RBFOX3: variants seen among roughly 807,000 people sequenced by gnomAD.
The protein encoded by RBFOX3 is RNA binding fox-1 homolog 3, also known as RNA binding protein fox-1 homolog 3.
Under a neutral mutation model 48.7 loss-of-function variants are expected in RBFOX3, and 17 were observed. The observed-to-expected ratio is 0.35, with a 90% CI of 0.24 to 0.52. The LOEUF (loss-of-function observed/expected upper bound fraction) is 0.52. Among genes scored for constraint, RBFOX3 ranks in the 20% least tolerant of loss-of-function variants. The pLI, the probability that RBFOX3 is intolerant of heterozygous loss-of-function variation, is 0.94. For missense variants in RBFOX3, 382 were observed against 497.5 expected, an observed-to-expected ratio of 0.77 and a Z score of 2.21; for synonymous variants, 212 against 209.5, an observed-to-expected ratio of 1.01 and a Z score of -0.10.
At chr17:79,383,952 A>G (rs570600572) in intron 2 of RBFOX3, among the ~76,000 whole-genome samples, 1 of 152,240 alleles carries the variant, frequency 6.6e-6, no homozygotes, top group East Asian at 1.9e-4. Flanking sequence ...CAATCAGGGT[A>G]TGTGGGGGAA....
chr17:79,423,467 C>T lies in RBFOX3; in HGVS notation c.-175+58987G>A, dbSNP rs1555723837. On this transcript the variant is annotated intron_variant, in intron 2 of 14. Coordinates refer to ENST00000693108, the MANE Select transcript of RBFOX3 (RefSeq NM_001350451.2). This position sits in a 1 kb window ranked among gnomAD's most constrained non-coding sequence, Gnocchi z 4.9. Reference sequence around the variant, plus strand: ...GCCCAGCCCCCGGCTATTCTCAGCACAGCAGCCAAAGAGATTCCTTTAAAA... The same window carrying T: ...GCCCAGCCCCCGGCTATTCTCAGCATAGCAGCCAAAGAGATTCCTTTAAAA... Among the ~76,000 whole-genome samples, 1 of 152,150 alleles carries T rather than the reference C, an allele frequency of 6.6e-6. No homozygotes were observed. Among genetic ancestry groups the T allele is most frequent in the African/African-American group, 2.4e-5 (1 of 41,424 alleles).
At chr17:79,223,408 A>T (rs1028662313) in intron 4 of RBFOX3, among the ~76,000 whole-genome samples, 4 of 152,132 alleles carry the variant, frequency 2.6e-5, no homozygotes, top group Non-Finnish European at 4.4e-5. Flanking sequence ...GCATGGTCAC[A>T]TACACACCTC....
At chr17:79,257,905 AAAAAAAT>A (rs2065145119) in intron 3 of RBFOX3, among the ~76,000 whole-genome samples, 1 of 152,114 alleles carries the variant, frequency 6.6e-6, no homozygotes, top group Admixed American at 6.6e-5. Flanking sequence ...GTTTTGGGAA[AAAAAAAT>A]AAAAAAATAA....
At chr17:79,277,261 GCTCCAAGGC>G (rs145586100) in intron 3 of RBFOX3, among the ~76,000 whole-genome samples, 70,096 of 140,438 alleles carry the variant, frequency 0.5, 17,770 homozygotes, top group East Asian at 0.66. Flanking sequence ...ATCTTTCAAA[GCTCCAAGGC>G]CTCCAAGGCC....
At chr17:79,323,002 C>T (rs1397043745) in intron 2 of RBFOX3, among the ~76,000 whole-genome samples, 6 of 152,146 alleles carry the variant, frequency 3.9e-5, no homozygotes, top group Admixed American at 6.5e-5. Context: ...GTAAGAAGTA[C>T]GTGGGGGCAT....
At chr17:79,377,845 T>G (rs1286336199) in intron 2 of RBFOX3, among the ~76,000 whole-genome samples, 1 of 152,158 alleles carries the variant, frequency 6.6e-6, no homozygotes, top group Admixed American at 6.5e-5. Flanking sequence ...GGCACTTGGC[T>G]GCCTGCGGGA....
At chr17:79,495,299 T>G (rs78146339) in intron 1 of RBFOX3, among the ~76,000 whole-genome samples, 47,160 of 47,168 alleles carry the variant, frequency 1, 23,576 homozygotes, top group Middle Eastern at 1. Context: ...GTGAACACCA[T>G]GGGGGAAGCA....
At chr17:79,474,888 G>A (rs1555759719) in intron 2 of RBFOX3, among the ~76,000 whole-genome samples, 1 of 151,930 alleles carries the variant, frequency 6.6e-6, no homozygotes, top group East Asian at 1.9e-4. Context: ...TGTTTCTTGG[G>A]CCTGACTCCT....
rs111519680 is a variant in RBFOX3 at position 79,448,681 on chromosome 17, G to A, written c.-175+33773C>T. Among the ~76,000 whole-genome samples, 283 of 152,238 alleles carry A rather than the reference G, an allele frequency of 1.9e-3. 2 individuals carry two copies. The highest frequency in any genetic ancestry group is 6.5e-3 in the African/African-American group (271 of 41,538). On this transcript the variant is annotated intron_variant, in intron 2 of 14. Transcript: ENST00000693108. The stretch of plus-strand genomic sequence containing the variant: ...CTGCTGTTTTAGGCCCCCAGAAAGC[G>A]GTCACTTGTTATATCAGATGCAGGT...
chr17:79,525,615 A>G (rs1181473537), intron 1 of RBFOX3, among the ~76,000 whole-genome samples: 1 of 152,194 alleles, frequency 6.6e-6, no homozygotes, highest in Non-Finnish European at 1.5e-5. Flanking sequence ...CGTGTAATCA[A>G]ATCAAAGCTA....
At position 79,367,162 on chromosome 17, in the gene RBFOX3, C is replaced by T. The variant is rs975388782; in HGVS notation, c.-174-59338G>A. On this transcript the variant is annotated intron_variant, in intron 2 of 14. Coordinates refer to ENST00000693108, the MANE Select transcript of RBFOX3 (RefSeq NM_001350451.2). ...TCGCAGAGTCGGCTTCCGGAGGACC[C>T]CAGCCTCAGACACCCTCCTTTCCTT... Among the ~76,000 whole-genome samples the T allele has an allele frequency of 2.6e-5, 4 of 152,070 alleles. No homozygotes were observed. In the East Asian group the frequency reaches 5.8e-4, roughly 22 times the overall value.
At chr17:79,309,137 T>C (rs896772261) in intron 2 of RBFOX3, among the ~76,000 whole-genome samples, 2 of 152,034 alleles carry the variant, frequency 1.3e-5, no homozygotes, top group African/African-American at 4.8e-5. Context: ...GTTTGTTGTT[T>C]AAGCCACCCA....
chr17:79,131,988 C>A (rs758636905), intron 4 of RBFOX3, among the ~76,000 whole-genome samples: 1 of 152,178 alleles, frequency 6.6e-6, no homozygotes, highest in African/African-American at 2.4e-5. Flanking sequence ...AATGTGGCTC[C>A]ATAAATCCTC....
chr17:79,424,197 G>A (rs2042226556), intron 2 of RBFOX3: 1 of 152,374 alleles, frequency 6.6e-6, no homozygotes, highest in South Asian at 2.1e-4. Flanking sequence ...CTCCAGGCAA[G>A]TACATCATGT....
the RBFOX3 span, among the ~76,000 whole-genome samples, chr17:79,634,222 C>A: frequency 6.6e-6 from 1 of 152,240 alleles, no homozygotes; most frequent in African/African-American, 2.4e-5. Flanking sequence ...CAGGTAAGAA[C>A]TGCAGATCCA....
chr17:79,251,888 G>A (rs767654722), intron 3 of RBFOX3, among the ~76,000 whole-genome samples: 3 of 152,276 alleles, frequency 2.0e-5, no homozygotes, highest in Admixed American at 6.5e-5. Flanking sequence ...TGAGGAGAGC[G>A]TCTTACAGCT....
chr17:79,100,435 C>T (rs1178254247), intron 9 of RBFOX3: 1 of 152,208 alleles, frequency 6.6e-6, no homozygotes, highest in Non-Finnish European at 1.5e-5. Context: ...GGATATGAGG[C>T]CATGAGAATC....
chr17:79,217,515 C>A (rs1600067498), intron 4 of RBFOX3, among the ~76,000 whole-genome samples: 3 of 152,190 alleles, frequency 2.0e-5, no homozygotes, highest in Non-Finnish European at 4.4e-5. Context: ...GGAACAAGAA[C>A]TGAACAAGAC....
intron 2 of RBFOX3, among the ~76,000 whole-genome samples, chr17:79,433,735 C>T (rs974434722): frequency 2.0e-4 from 30 of 151,922 alleles, no homozygotes; most frequent in Middle Eastern, 3.4e-3. Flanking sequence ...GAGCAAGGTG[C>T]GGTTGCTTCT....
Sources: gnomAD v4.1 joint callset for allele counts (sites outside exome capture counted in the v4.1 genomes callset) on GRCh38, gnomAD v4.1.1 for gene constraint, Gnocchi (gnomAD v3.1) non-coding constraint, MANE v1.5 for transcripts, NCBI Gene and HGNC (gene_info 2026-07-23, HGNC 2026-07-21) for gene names.